ELMO1: variants seen among roughly 807,000 people sequenced by gnomAD.
ELMO1 encodes engulfment and cell motility protein 1.
Under a neutral mutation model 98.9 loss-of-function variants are expected in ELMO1, and 26 were observed. The ratio of observed to expected loss-of-function variants is 0.26; its 90% confidence interval spans 0.19 to 0.36. The LOEUF (loss-of-function observed/expected upper bound fraction) is 0.36. Ranked by LOEUF, ELMO1 falls within the 10% of genes least tolerant of loss-of-function variation. The pLI, the probability that ELMO1 is intolerant of heterozygous loss-of-function variation, is 1.00. For missense variants in ELMO1, 627 were observed against 935.2 expected, an observed-to-expected ratio of 0.67 and a Z score of 4.30; for synonymous variants, 346 against 346.0, an observed-to-expected ratio of 1.00 and a Z score of 0.00.
intron 16 of ELMO1, among the ~76,000 whole-genome samples, chr7:36,948,072 A>G (rs1787653322): frequency 6.6e-6 from 1 of 152,244 alleles, no homozygotes; most frequent in South Asian, 2.1e-4. Context: ...AGCATGCAGA[A>G]GATGCTCAAT....
chr7:36,862,708 AG>A (rs1301883805), intron 20 of ELMO1, among the ~76,000 whole-genome samples: 2 of 152,218 alleles, frequency 1.3e-5, no homozygotes, highest in Non-Finnish European at 2.9e-5. Flanking sequence ...TCCAGCATGG[AG>A]GTTCCAGTGT....
chr7:37,202,133 ATG>A (rs1792333690), intron 13 of ELMO1, among the ~76,000 whole-genome samples: 1 of 152,212 alleles, frequency 6.6e-6, no homozygotes, highest in Non-Finnish European at 1.5e-5. Context: ...ATTTCAGTAA[ATG>A]TGTGTTTTTA....
rs537388417 is a variant in ELMO1 at position 37,092,366 on chromosome 7, C to CTTTTTTTTTTTTTTTTTTTTTTTTTT, written c.1300+4227_1300+4252dup. ...ACTTGCAAAAAAAATTACCCATATTCTTTTTTTTTTTTTTTTTTTTTTTTT... is the reference window on the plus strand; with the variant it reads ...ACTTGCAAAAAAAATTACCCATATTCTTTTTTTTTTTTTTTTTTTTTTTTTTTTTTTTTTTTTTTTTTTTTTTTTTT... On this transcript the variant is annotated intron_variant, in intron 15 of 21. Transcript: ENST00000310758. 7.3e-5 allele frequency among the ~76,000 whole-genome samples: 5 copies of CTTTTTTTTTTTTTTTTTTTTTTTTTT among 68,894 alleles called. 1 individual carries two copies. The highest frequency in any genetic ancestry group is 1.8e-4 in the African/African-American group (4 of 21,928). 45.2% of individuals were successfully genotyped at this position (68,894 alleles called of 152,430 possible). A position where few individuals can be genotyped will look rare whatever the true frequency, so the allele number is the denominator to read the frequency against.
intron 16 of ELMO1, among the ~76,000 whole-genome samples, chr7:37,006,368 C>T (rs28523484): frequency 0.13 from 20,448 of 152,156 alleles, 3,331 homozygotes; most frequent in African/African-American, 0.39. Flanking sequence ...GCTTAATCCC[C>T]ACAGTGACTC....
chr7:37,006,116 T>C (rs919295542), intron 16 of ELMO1, among the ~76,000 whole-genome samples: 1 of 152,214 alleles, frequency 6.6e-6, no homozygotes, highest in African/African-American at 2.4e-5. Flanking sequence ...GTGGGTGGGC[T>C]GGGGAGGAGT....
At chr7:37,047,644 C>G (rs1201985973) in intron 15 of ELMO1, among the ~76,000 whole-genome samples, 1 of 152,184 alleles carries the variant, frequency 6.6e-6, no homozygotes, top group Non-Finnish European at 1.5e-5. Flanking sequence ...TGCCATAAAG[C>G]GTAACCATGG....
intron 20 of ELMO1, 180 bp from the exon 21 acceptor site, chr7:36,861,916 C>A: frequency 3.2e-6 from 2 of 618,582 alleles, no homozygotes; most frequent in South Asian, 1.9e-5. Context: ...TTCCTTCTCT[C>A]CATTCACGGC....
At chr7:37,036,751 C>T (rs1048605577) in intron 15 of ELMO1, among the ~76,000 whole-genome samples, 2 of 152,118 alleles carry the variant, frequency 1.3e-5, no homozygotes, top group Non-Finnish European at 2.9e-5. Flanking sequence ...GGGGGCCACA[C>T]ATGTAGGTGC....
intron 13 of ELMO1, among the ~76,000 whole-genome samples, chr7:37,155,503 A>ATAAAAAAAAAAAAT (rs1554427526): frequency 1.5e-3 from 204 of 131,772 alleles, no homozygotes; most frequent in African/African-American, 5.1e-3. Context: ...AAAAAAAAAA[A>ATAAAAAAAAAAAAT]AAAAAGCAGG....
chr7:37,347,957 G>A (rs993221466), intron 1 of ELMO1, among the ~76,000 whole-genome samples: 3 of 152,078 alleles, frequency 2.0e-5, no homozygotes, highest in African/African-American at 7.2e-5. Context: ...CAGCATCCTG[G>A]TGTCCTATGC....
chr7:36,888,429 C>T (rs1805235133), intron 17 of ELMO1, among the ~76,000 whole-genome samples: 1 of 151,914 alleles, frequency 6.6e-6, no homozygotes, highest in African/African-American at 2.4e-5. Flanking sequence ...CAAAACTATT[C>T]TAGTTGAAGC....
chr7:37,215,782 C>T (rs1009581379), intron 11 of ELMO1, among the ~76,000 whole-genome samples: 2 of 152,192 alleles, frequency 1.3e-5, no homozygotes, highest in Non-Finnish European at 1.5e-5. Flanking sequence ...CCCGACAATC[C>T]CCCAGTGGCA....
At chr7:37,383,772 T>C (rs1258792544) in intron 1 of ELMO1, among the ~76,000 whole-genome samples, 1 of 152,216 alleles carries the variant, frequency 6.6e-6, no homozygotes, top group Non-Finnish European at 1.5e-5. Flanking sequence ...TTTAAAAGGA[T>C]ACACGTTTTA....
At chr7:37,042,266 T>C (rs1299216186) in intron 15 of ELMO1, among the ~76,000 whole-genome samples, 1 of 151,444 alleles carries the variant, frequency 6.6e-6, no homozygotes, top group Non-Finnish European at 1.5e-5. Context: ...ACATATGCAC[T>C]GGGAATTTGA....
intron 16 of ELMO1, among the ~76,000 whole-genome samples, chr7:36,978,142 C>A (rs1182312657): frequency 6.6e-6 from 1 of 152,102 alleles, no homozygotes; most frequent in East Asian, 1.9e-4. Flanking sequence ...TGGATATTAG[C>A]AAGTCAATGA....
chr7:36,946,890 C>A (rs1241960199), intron 16 of ELMO1, among the ~76,000 whole-genome samples: 2 of 152,190 alleles, frequency 1.3e-5, no homozygotes, highest in Non-Finnish European at 2.9e-5. Flanking sequence ...ACTCACCTTT[C>A]CTCTATAGGC....
At chr7:36,920,015 T>C in intron 16 of ELMO1, among the ~76,000 whole-genome samples, 1 of 152,220 alleles carries the variant, frequency 6.6e-6, no homozygotes, top group South Asian at 2.1e-4. Flanking sequence ...CTTTGGTTCT[T>C]TCCTTTGGGC....
At chr7:37,414,681 A>C (rs1804139233) in intron 1 of ELMO1, among the ~76,000 whole-genome samples, 1 of 152,196 alleles carries the variant, frequency 6.6e-6, no homozygotes, top group Admixed American at 6.5e-5. Flanking sequence ...GTAACTCACC[A>C]TACCTCTAAT....
At chr7:37,340,379 TTG>T (rs538470698) in intron 2 of ELMO1, among the ~76,000 whole-genome samples, 135 of 152,282 alleles carry the variant, frequency 8.9e-4, no homozygotes, top group Admixed American at 3.3e-3. Context: ...CTGGCAATTT[TTG>T]TGTGTTTAAA....
Sources: allele counts gnomAD v4.1 joint callset (sites outside exome capture counted in the v4.1 genomes callset), GRCh38; gene constraint gnomAD v4.1.1; transcripts MANE v1.5; gene names NCBI Gene and HGNC (gene_info 2026-07-23, HGNC 2026-07-21).